THSD7A: variants seen among roughly 807,000 people sequenced by gnomAD.
THSD7A encodes thrombospondin type-1 domain-containing protein 7A.
In THSD7A, 96 loss-of-function variants were observed where a neutral mutation model predicts 231.3. The observed-to-expected ratio is 0.41, with a 90% CI of 0.35 to 0.49. The LOEUF (loss-of-function observed/expected upper bound fraction) is 0.49. THSD7A is among the 20% of genes least tolerant of loss of function. The probability of loss-of-function intolerance (pLI) is 0.05; values close to 1 mark genes in which losing one functional copy is unlikely to be tolerated. For missense variants in THSD7A, 2,290 were observed against 2,070.2 expected (o/e 1.11, Z -2.06); for synonymous variants, 940 against 743.3 (o/e 1.26, Z -4.30).
intron 14 of THSD7A, among the ~76,000 whole-genome samples, chr7:11,427,635 T>C (rs1466793413): frequency 6.6e-6 from 1 of 152,168 alleles, no homozygotes; most frequent in African/African-American, 2.4e-5. Flanking sequence ...GTAGAATTTC[T>C]CTTTATTAGG....
At chr7:11,646,327 G>C (rs928606759) in intron 1 of THSD7A, among the ~76,000 whole-genome samples, 2 of 152,004 alleles carry the variant, frequency 1.3e-5, no homozygotes, top group Non-Finnish European at 1.5e-5. Flanking sequence ...CAGTATAAAT[G>C]TGATTGGCAG....
Position 11,636,987 on chromosome 7 carries a change from A to AGCAGT in THSD7A, c.191-31_191-27dup, listed in dbSNP as rs750078604. ...CTACAAAAATTATAACACAAAAATT[A>AGCAGT]GCAGTGCTACTAGAAGAAAACTACA... On this transcript the variant is annotated intron_variant, in intron 1 of 27. Transcript: ENST00000423059. This position sits in a 1 kb window ranked among gnomAD's most constrained non-coding sequence, Gnocchi z 10.0. The AGCAGT allele has an allele frequency of 4.4e-6, 7 of 1,578,278 alleles. No individual in the cohort carries two copies. Among genetic ancestry groups the AGCAGT allele is most frequent in the Non-Finnish European group, 5.1e-6 (6 of 1,165,594 alleles).
chr7:11,558,089 G>A (rs1789924744), intron 4 of THSD7A, among the ~76,000 whole-genome samples: 2 of 152,098 alleles, frequency 1.3e-5, no homozygotes, highest in Non-Finnish European at 2.9e-5. Flanking sequence ...GTCCACTGAT[G>A]TTTCCGTGTT....
rs1562614493 is a variant in THSD7A, at chr7:11,444,912, T to TAATGAAACTATATATGTATATATAG, written c.3064+1124_3064+1148dup. ...ATATATATAAAATGCTGTATATATA[T>TAATGAAACTATATATGTATATATAG]AATGAAACTATATATGTATATATAG... On this transcript the variant is annotated intron_variant, in intron 13 of 27. Transcript: ENST00000423059. This position sits in a 1 kb window ranked among gnomAD's most constrained non-coding sequence, Gnocchi z 4.2. 6.8e-6 allele frequency among the ~76,000 whole-genome samples: 1 copy of TAATGAAACTATATATGTATATATAG among 147,824 alleles called. No homozygotes were observed. The highest frequency in any genetic ancestry group is 2.5e-5 in the African/African-American group (1 of 40,684).
chr7:11,590,806 C>T lies in THSD7A; in HGVS notation c.1272-165G>A, dbSNP rs1245990752. The stretch of plus-strand genomic sequence containing the variant: ...CATATTTGGTTTCAACTCCTTTATG[C>T]TCTGCAGTGCTCCATTTAACGAGGG... On this transcript the variant is annotated intron_variant, in intron 3 of 27. Transcript: ENST00000423059. The surrounding 1 kb of genome is among the most constrained non-coding windows in gnomAD (Gnocchi z 4.4). 1.3e-5 allele frequency among the ~76,000 whole-genome samples: 2 copies of T among 152,206 alleles called. No individual in the cohort carries two copies. The highest frequency in any genetic ancestry group is 2.4e-5 in the African/African-American group (1 of 41,446).
chr7:11,482,231 T>C lies in THSD7A; in HGVS notation c.1823-249A>G, dbSNP rs560127444. On this transcript the variant is annotated intron_variant, in intron 6 of 27. Coordinates refer to ENST00000423059, the MANE Select transcript of THSD7A (RefSeq NM_015204.3). ...TCATTATCAGGGTATATCAAGCACA[T>C]TGCTGAGACGATTCTTATGCCACAG... Among the ~76,000 whole-genome samples, 135 of 152,282 alleles carry C rather than the reference T, an allele frequency of 8.9e-4. 1 individual carries two copies. Among genetic ancestry groups the C allele is most frequent in the African/African-American group, 3.0e-3 (126 of 41,562 alleles).
At chr7:11,482,131 GCCA>G in intron 6 of THSD7A, 149 bp from the exon 7 acceptor site, 1 of 766,198 alleles carries the variant, frequency 1.3e-6, no homozygotes, top group South Asian at 1.9e-5. Context: ...GCCTACTATA[GCCA>G]GATGTTAATA....
chr7:11,518,733 C>G (rs957404433), intron 6 of THSD7A, among the ~76,000 whole-genome samples: 1 of 152,092 alleles, frequency 6.6e-6, no homozygotes, highest in African/African-American at 2.4e-5. Flanking sequence ...AAATTAAAAA[C>G]CAATTAAATA....
At chr7:11,393,363 G>A (rs189493255) in intron 23 of THSD7A, among the ~76,000 whole-genome samples, 12 of 152,264 alleles carry the variant, frequency 7.9e-5, no homozygotes, top group African/African-American at 2.9e-4. Flanking sequence ...CCGAACTGAA[G>A]GTAACCAACA....
intron 2 of THSD7A, among the ~76,000 whole-genome samples, chr7:11,619,290 A>C (rs1300875404): frequency 2.0e-5 from 3 of 152,112 alleles, no homozygotes; most frequent in Non-Finnish European, 4.4e-5. Context: ...TCTTTATCTA[A>C]GCATGAACAA....
At chr7:11,378,176 A>G (rs1024500170) in intron 26 of THSD7A, 9 of 152,218 alleles carry the variant, frequency 5.9e-5, no homozygotes, top group Non-Finnish European at 1.3e-4. Flanking sequence ...CTAGCTATGC[A>G]GATTCCTTCC....
intron 1 of THSD7A, among the ~76,000 whole-genome samples, chr7:11,740,862 T>C (rs1487158261): frequency 6.6e-6 from 1 of 152,024 alleles, no homozygotes; most frequent in Non-Finnish European, 1.5e-5. Flanking sequence ...TTCCATAGCA[T>C]ATTAGTCCTG....
At chr7:11,426,416 G>T (rs890263025) in intron 15 of THSD7A, among the ~76,000 whole-genome samples, 1 of 152,108 alleles carries the variant, frequency 6.6e-6, no homozygotes, top group African/African-American at 2.4e-5. Flanking sequence ...AGTGAAACTT[G>T]TTCTCCCCAA....
rs768814186 is a variant in THSD7A at position 11,379,509 on chromosome 7, T to A, written c.4590+121A>T. On this transcript the variant is annotated intron_variant, in intron 25 of 27. Coordinates refer to ENST00000423059, the MANE Select transcript of THSD7A (RefSeq NM_015204.3). The stretch of plus-strand genomic sequence containing the variant: ...CTTTTTAGATTGATAAAAGGAGATG[T>A]CTAAAATGGGATTTTTATGCCTCAA... 1.2e-4 allele frequency: 119 copies of A among 1,006,792 alleles called. 1 individual carries two copies. Among genetic ancestry groups the A allele is most frequent in the Middle Eastern group, 4.3e-4 (2 of 4,650 alleles). The allele number at this position is 1,006,792 out of a possible 1,614,324, so 62.4% of individuals were successfully genotyped here. A position where few individuals can be genotyped will look rare whatever the true frequency, so the allele number is the denominator to read the frequency against.
chr7:11,494,075 A>G (rs1022734904), intron 6 of THSD7A, among the ~76,000 whole-genome samples: 8 of 152,094 alleles, frequency 5.3e-5, no homozygotes, highest in African/African-American at 1.9e-4. Flanking sequence ...GAAGGAAGAA[A>G]ATAGTCTCTA....
chr7:11,770,134 A>C (rs938017753), intron 1 of THSD7A, among the ~76,000 whole-genome samples: 3 of 152,062 alleles, frequency 2.0e-5, no homozygotes, highest in Admixed American at 2.0e-4. Context: ...CCAACTTTTC[A>C]TCATACATTT....
chr7:11,582,162 T>G lies in THSD7A; in HGVS notation c.1453+8298A>C, dbSNP rs115703410. Among the ~76,000 whole-genome samples, 1,492 of 152,118 alleles carry G rather than the reference T, an allele frequency of 9.8e-3. 35 individuals carry two copies. Among genetic ancestry groups the G allele is most frequent in the African/African-American group, 0.034 (1,412 of 41,546 alleles). ...TTATTTAGTACTTCTATTAAATTGA[T>G]TAAATTTTATCCAGCCTCTTTCATT... On this transcript the variant is annotated intron_variant, in intron 4 of 27. Coordinates refer to ENST00000423059, the MANE Select transcript of THSD7A (RefSeq NM_015204.3).
At chr7:11,507,847 A>G (rs1415516502) in intron 6 of THSD7A, among the ~76,000 whole-genome samples, 2 of 152,216 alleles carry the variant, frequency 1.3e-5, no homozygotes, top group African/African-American at 4.8e-5. Context: ...CATGTAAAAT[A>G]TAAGGAACTC....
intron 9 of THSD7A, among the ~76,000 whole-genome samples, chr7:11,467,170 G>C (rs750515693): frequency 2.0e-5 from 3 of 152,060 alleles, no homozygotes; most frequent in Non-Finnish European, 4.4e-5. Flanking sequence ...GTCATTTAAG[G>C]CTTTCCTGAT....
Sources: allele counts gnomAD v4.1 joint callset (sites outside exome capture counted in the v4.1 genomes callset), GRCh38; gene constraint gnomAD v4.1.1; non-coding constraint Gnocchi (gnomAD v3.1); transcripts MANE v1.5; gene names NCBI Gene and HGNC (gene_info 2026-07-23, HGNC 2026-07-21).